Variants in ARHGAP42 observed in about 807,000 individuals in gnomAD.
ARHGAP42 encodes Rho GTPase activating protein 42.
In ARHGAP42, 63 loss-of-function variants were observed where a neutral mutation model predicts 125.0. That is an observed-to-expected ratio of 0.50 (90% CI 0.41 to 0.62). The LOEUF (loss-of-function observed/expected upper bound fraction) is 0.62, where lower values mean the gene tolerates loss of function less well. Among genes scored for constraint, ARHGAP42 ranks in the 20% least tolerant of loss-of-function variants. ARHGAP42 has a pLI of 0.00. For synonymous variants in ARHGAP42, 339 were observed against 351.0 expected (o/e 0.97, Z 0.38); for missense variants, 766 against 1,024.2 (o/e 0.75, Z 3.44).
chr11:100,943,401 G>A (rs1246156257), intron 9 of ARHGAP42, among the ~76,000 whole-genome samples: 1 of 151,954 alleles, frequency 6.6e-6, no homozygotes, highest in Admixed American at 6.6e-5. Flanking sequence ...CAAGCACTCT[G>A]TATATCCAAT....
chr11:100,901,518 A>G (rs528416514), intron 4 of ARHGAP42, among the ~76,000 whole-genome samples: 12 of 152,170 alleles, frequency 7.9e-5, no homozygotes, highest in Admixed American at 4.6e-4. Context: ...CTGCCCATAG[A>G]TGTGGAGTCT....
intron 2 of ARHGAP42, among the ~76,000 whole-genome samples, chr11:100,790,705 C>A (rs1330118347): frequency 6.6e-6 from 1 of 152,156 alleles, no homozygotes; most frequent in Non-Finnish European, 1.5e-5. Context: ...CAAATGCATT[C>A]AATGGTCATC....
At chr11:100,711,858 A>C (rs1009222722) in intron 1 of ARHGAP42, among the ~76,000 whole-genome samples, 2 of 152,028 alleles carry the variant, frequency 1.3e-5, no homozygotes, top group African/African-American at 4.8e-5. Flanking sequence ...AGTCAAAGAA[A>C]TGCAAATGAA....
At chr11:100,844,743 A>G (rs530321865) in intron 3 of ARHGAP42, among the ~76,000 whole-genome samples, 26 of 152,286 alleles carry the variant, frequency 1.7e-4, no homozygotes, top group Admixed American at 5.9e-4. Flanking sequence ...CCACAGTACG[A>G]TATCACCTTC....
intron 3 of ARHGAP42, among the ~76,000 whole-genome samples, chr11:100,811,305 T>C (rs1354419287): frequency 4.6e-5 from 7 of 152,208 alleles, no homozygotes; most frequent in Admixed American, 4.6e-4. Context: ...TCAATGTGTA[T>C]TGGATACAGA....
At position 100,933,257 on chromosome 11, in the gene ARHGAP42, G is replaced by A. The variant is rs755910052; in HGVS notation, c.699G>A (p.Gln233=). Residue 233 remains glutamine (Q), a synonymous_variant, in exon 7 of 24, where the codon CAG becomes CAA. Coordinates refer to ENST00000298815, the MANE Select transcript of ARHGAP42 (RefSeq NM_152432.4). The part of the protein sequence containing the change: ...PYKQQLQFNL[Q]NTRNNFESTR... ...AGCAACAGCTGCAGTTCAACTTGCAGAATGTAAGAGTATACCTGTTCTTAC... is the reference window on the plus strand; with the variant it reads ...AGCAACAGCTGCAGTTCAACTTGCAAAATGTAAGAGTATACCTGTTCTTAC... 2.5e-5 allele frequency: 39 copies of A among 1,543,886 alleles called. No individual in the cohort carries two copies. The highest frequency in any genetic ancestry group is 2.2e-4 in the Admixed American group (11 of 50,844).
chr11:100,695,802 C>A lies in ARHGAP42; in HGVS notation c.154+7970C>A, dbSNP rs373098837. On this transcript the variant is annotated intron_variant, in intron 1 of 23. Transcript: ENST00000298815. ...AGTAGCTAATAATCTGTCAGTTGTCCCAACCTTTTTCCTTTTTGCAGACAT... is the reference window on the plus strand; with the variant it reads ...AGTAGCTAATAATCTGTCAGTTGTCACAACCTTTTTCCTTTTTGCAGACAT... Among the ~76,000 whole-genome samples, 38 of 152,170 alleles carry A rather than the reference C, an allele frequency of 2.5e-4. No homozygotes were observed. In the East Asian group the frequency reaches 4.0e-3, roughly 16 times the overall value.
chr11:100,938,558 A>C (rs984986352), intron 8 of ARHGAP42, among the ~76,000 whole-genome samples: 1 of 152,104 alleles, frequency 6.6e-6, no homozygotes, highest in African/African-American at 2.4e-5. Flanking sequence ...CAGTTTGATA[A>C]ATTTTGCCAC....
chr11:100,693,190 C>T (rs1410647988), intron 1 of ARHGAP42, among the ~76,000 whole-genome samples: 2 of 145,514 alleles, frequency 1.4e-5, no homozygotes, highest in African/African-American at 2.6e-5. Context: ...TGGAACTCAT[C>T]GCAGATTCCT....
intron 4 of ARHGAP42, among the ~76,000 whole-genome samples, chr11:100,896,827 G>C (rs1866377624): frequency 6.6e-6 from 1 of 152,170 alleles, no homozygotes; most frequent in African/African-American, 2.4e-5. Flanking sequence ...TTGCTGTGCA[G>C]AAGCTCTTTA....
intron 6 of ARHGAP42, among the ~76,000 whole-genome samples, 184 bp downstream of exon 6, chr11:100,921,788 A>G (rs1867276677): frequency 6.6e-6 from 1 of 152,112 alleles, no homozygotes; most frequent in Non-Finnish European, 1.5e-5. Context: ...CTTTTGTACA[A>G]TAGAGTAGTG....
chr11:100,794,075 C>CAAA lies in ARHGAP42; in HGVS notation c.251-995_251-993dup, dbSNP rs869272420. On this transcript the variant is annotated intron_variant, in intron 2 of 23. Transcript: ENST00000298815. ...CGAACAACAGAGCTAGACCCTGTCTCAAAAAAAAAAAAAAAAAAAAAAAAA... is the reference window on the plus strand; with the variant it reads ...CGAACAACAGAGCTAGACCCTGTCTCAAAAAAAAAAAAAAAAAAAAAAAAAAAA... Among the ~76,000 whole-genome samples the CAAA allele has an allele frequency of 6.0e-4, 27 of 44,846 alleles. 3 individuals carry two copies. The highest frequency in any genetic ancestry group is 6.9e-4 in the Non-Finnish European group (16 of 23,316). The allele number at this position is 44,846 out of a possible 152,430, so 29.4% of individuals were successfully genotyped here. A position where few individuals can be genotyped will look rare whatever the true frequency, so the allele number is the denominator to read the frequency against.
At chr11:100,936,880 C>T (rs576975260) in intron 8 of ARHGAP42, among the ~76,000 whole-genome samples, 51 of 152,272 alleles carry the variant, frequency 3.3e-4, no homozygotes, top group Middle Eastern at 3.4e-3. Flanking sequence ...GCCATTCGGA[C>T]TTGTATAACT....
intron 1 of ARHGAP42, among the ~76,000 whole-genome samples, chr11:100,712,123 G>A (rs1000467972): frequency 7.9e-5 from 12 of 152,110 alleles, no homozygotes. Context: ...CCTTTCTAAA[G>A]GAACCTTGAG....
intron 2 of ARHGAP42, among the ~76,000 whole-genome samples, chr11:100,790,512 A>G (rs548275382): frequency 1.3e-5 from 2 of 152,312 alleles, no homozygotes; most frequent in South Asian, 2.1e-4. Context: ...ACAGGAAGGG[A>G]GAGAGATTAC....
chr11:100,905,213 G>A (rs74322065), intron 4 of ARHGAP42, among the ~76,000 whole-genome samples: 13,846 of 152,102 alleles, frequency 0.091, 900 homozygotes, highest in Non-Finnish European at 0.13. Flanking sequence ...GATTGAAAAA[G>A]GAAAGTGAAT....
chr11:100,725,093 T>C (rs1047459807), intron 1 of ARHGAP42, among the ~76,000 whole-genome samples: 1 of 152,162 alleles, frequency 6.6e-6, no homozygotes, highest in African/African-American at 2.4e-5. Context: ...AAGTAAGTTA[T>C]TTAATCTCCT....
intron 11 of ARHGAP42, among the ~76,000 whole-genome samples, chr11:100,948,905 AG>A (rs1376692665): frequency 3.3e-5 from 5 of 152,156 alleles, no homozygotes; most frequent in African/African-American, 1.2e-4. Context: ...AACAAGGTTC[AG>A]GGTAAGAACT....
chr11:100,914,509 GAAC>G (rs138419731), intron 5 of ARHGAP42, among the ~76,000 whole-genome samples: 111,295 of 150,912 alleles, frequency 0.74, 41,377 homozygotes, highest in African/African-American at 0.83. Context: ...GTCACCTTGA[GAAC>G]AACAACAACA....
Sources: allele counts gnomAD v4.1 joint callset (sites outside exome capture counted in the v4.1 genomes callset), GRCh38; gene constraint gnomAD v4.1.1; transcripts MANE v1.5; gene names NCBI Gene and HGNC (gene_info 2026-07-23, HGNC 2026-07-21).